The following LSP1 variants were observed in gnomAD, a reference collection of about 807,000 sequenced individuals.
LSP1 encodes the protein lymphocyte-specific protein 1.
Under a neutral mutation model 49.3 loss-of-function variants are expected in LSP1, and 32 were observed. That is an observed-to-expected ratio of 0.65 (90% CI 0.49 to 0.87). LSP1 has a LOEUF of 0.87. LSP1 is among the 40% of genes least tolerant of loss of function. The pLI is 0.00. For synonymous variants in LSP1, 179 were observed against 178.8 expected (o/e 1.00, Z -0.01); for missense variants, 428 against 442.6 (o/e 0.97, Z 0.30).
intron 2 of LSP1, chr11:1,881,139 G>A: frequency 2.9e-6 from 1 of 349,340 alleles, no homozygotes; most frequent in South Asian, 4.2e-5. Context: ...GCATAGCCCT[G>A]CCCTCAGGTA....
chr11:1,866,395 G>C (rs1847789259), intron 1 of LSP1: 1 of 1,276,714 alleles, frequency 7.8e-7, no homozygotes, highest in East Asian at 2.6e-5. Context: ...TGAGCTAAGT[G>C]GGGTCTGAGG....
At chr11:1,868,325 C>T (rs1041612492) in intron 1 of LSP1, among the ~76,000 whole-genome samples, 1 of 152,212 alleles carries the variant, frequency 6.6e-6, no homozygotes, top group African/African-American at 2.4e-5. Flanking sequence ...CCCGGAGCCC[C>T]GTGCCCACCC....
At chr11:1,885,852 T>C (rs1404352990) in intron 7 of LSP1, among the ~76,000 whole-genome samples, 2 of 151,928 alleles carry the variant, frequency 1.3e-5, no homozygotes, top group African/African-American at 4.8e-5. Context: ...TCAGCGCCCT[T>C]CTAGTCAAGC....
chr11:1,886,009 C>A (rs2133129145), intron 7 of LSP1, among the ~76,000 whole-genome samples: 1 of 152,224 alleles, frequency 6.6e-6, no homozygotes, highest in Middle Eastern at 3.4e-3. Context: ...GCCTCTCCAT[C>A]CAACCAGTAC....
chr11:1,858,652 G>T (rs1438073806), intron 1 of LSP1, among the ~76,000 whole-genome samples: 1 of 152,190 alleles, frequency 6.6e-6, no homozygotes, highest in African/African-American at 2.4e-5. Context: ...GAGCGGGCTG[G>T]AGAGGCTCGG....
intron 1 of LSP1, among the ~76,000 whole-genome samples, chr11:1,874,877 A>G (rs1848242229): frequency 6.6e-6 from 1 of 152,114 alleles, no homozygotes; most frequent in African/African-American, 2.4e-5. Flanking sequence ...CTTGGTTACA[A>G]AGGGCTGCCA....
At chr11:1,860,279 TG>T in intron 1 of LSP1, among the ~76,000 whole-genome samples, 1 of 151,772 alleles carries the variant, frequency 6.6e-6, no homozygotes, top group Non-Finnish European at 1.5e-5. Context: ...GAATGATGGA[TG>T]GATGGATAAT....
At chr11:1,889,708 G>T (rs1479839557) in intron 10 of LSP1, 1 of 647,282 alleles carries the variant, frequency 1.5e-6, no homozygotes, top group Middle Eastern at 2.5e-4. Flanking sequence ...TCCTCCAGGT[G>T]CTCTCTGCCA....
intron 1 of LSP1, among the ~76,000 whole-genome samples, chr11:1,877,359 G>T (rs1319332171): frequency 6.6e-5 from 10 of 152,188 alleles, no homozygotes; most frequent in African/African-American, 2.4e-4. Flanking sequence ...TGGGTCAGAG[G>T]CCAGGGGCTG....
At chr11:1,866,800 C>G in intron 1 of LSP1, 2 of 1,550,354 alleles carry the variant, frequency 1.3e-6, no homozygotes, top group Non-Finnish European at 1.7e-6. Context: ...AAGTGCAGCC[C>G]CCGGAGGAGG....
At chr11:1,865,676 C>T (rs1308209130) in intron 1 of LSP1, among the ~76,000 whole-genome samples, 4 of 148,442 alleles carry the variant, frequency 2.7e-5, no homozygotes, top group Non-Finnish European at 4.5e-5. Context: ...CCACCTGCAC[C>T]GCCGGCTGCA....
chr11:1,862,577 C>T (rs868329140), intron 1 of LSP1, among the ~76,000 whole-genome samples: 2 of 152,108 alleles, frequency 1.3e-5, no homozygotes, highest in East Asian at 1.9e-4. Flanking sequence ...CTCACTGCCC[C>T]CCACCCCAGG....
chr11:1,867,008 G>T (rs1234401306), intron 1 of LSP1: 9 of 1,263,372 alleles, frequency 7.1e-6, no homozygotes, highest in Middle Eastern at 2.7e-4. Flanking sequence ...AGCCGCGTGG[G>T]CCCAGGCTCA....
Position 1,884,007 on chromosome 11 carries a change from C to A in LSP1, c.574C>A (p.Leu192Met). Residue 192 changes from leucine to methionine, a missense_variant, in exon 5 of 11, where the codon CTG (leucine) becomes ATG (methionine). Transcript: ENST00000311604. The surrounding 1 kb of genome is among the most constrained non-coding windows in gnomAD (Gnocchi z 4.1). ...EGTIEQSSPPLSPTTKLIDRT... is the reference protein window; with the variant it reads ...EGTIEQSSPPMSPTTKLIDRT... ...GACCATCGAACAGAGCTCGCCTCCC[C>A]TGAGCCCTACCACCAAAGTAAGTTA... 6.2e-7 allele frequency: 1 copy of A among 1,612,382 alleles called. No individual in the cohort carries two copies. The highest frequency in any genetic ancestry group is 8.5e-7 in the Non-Finnish European group (1 of 1,179,402).
intron 1 of LSP1, among the ~76,000 whole-genome samples, chr11:1,859,879 G>T (rs1320749121): frequency 6.6e-6 from 1 of 152,064 alleles, no homozygotes; most frequent in Non-Finnish European, 1.5e-5. Context: ...TATCCACCAG[G>T]GATCACTCGG....
In LSP1 at chr11:1,886,792, G is replaced by C; in HGVS notation, c.778G>C (p.Val260Leu). 6.2e-7 allele frequency: 1 copy of C among 1,611,944 alleles called. No homozygotes were observed. Among genetic ancestry groups the C allele is most frequent in the Non-Finnish European group, 8.5e-7 (1 of 1,179,812 alleles). The change falls in exon 8 of 11, where the codon GTG becomes CTG. Residue 260 changes from valine (V) to leucine (L), a missense_variant. Physicochemically the swap from Val to Leu is conservative, Grantham distance 32 (BLOSUM62 1). Transcript: ENST00000311604. Reference protein sequence around the residue: ...QASIELPSMAVASTKSRWETG... With the variant: ...QASIELPSMALASTKSRWETG... ...CTCCATAGAGCTGCCCAGCATGGCT[G>C]TGGCCAGTACCAAGAGTCGGTGGGA...
chr11:1,862,950 C>T (rs1350398529), intron 1 of LSP1, among the ~76,000 whole-genome samples: 3 of 152,204 alleles, frequency 2.0e-5, no homozygotes, highest in Non-Finnish European at 4.4e-5. Context: ...TTTGTGGATG[C>T]TGGGGATGTG....
chr11:1,860,568 A>T (rs764626277), intron 1 of LSP1, among the ~76,000 whole-genome samples: 4 of 152,242 alleles, frequency 2.6e-5, no homozygotes, highest in Non-Finnish European at 4.4e-5. Context: ...GAAAGAACGA[A>T]TGGATGGGTG....
At chr11:1,888,989 T>A (rs145554205) in intron 10 of LSP1, 189 of 540,056 alleles carry the variant, frequency 3.5e-4, no homozygotes, top group African/African-American at 3.5e-3. Flanking sequence ...CAGACTTCCC[T>A]CAGCACCCCA....
Sources: allele counts gnomAD v4.1 joint callset (sites outside exome capture counted in the v4.1 genomes callset), GRCh38; gene constraint gnomAD v4.1.1; non-coding constraint Gnocchi (gnomAD v3.1); transcripts MANE v1.5; gene names NCBI Gene and HGNC (gene_info 2026-07-23, HGNC 2026-07-21).